The following CDYL2 variants were observed in gnomAD, a reference collection of about 807,000 sequenced individuals.
CDYL2 encodes the protein chromodomain Y-like protein 2.
A neutral mutation model predicts 49.4 loss-of-function variants in CDYL2; 23 were observed. The observed-to-expected ratio is 0.47, with a 90% CI of 0.34 to 0.66. CDYL2 has a LOEUF of 0.66. Among genes scored for constraint, CDYL2 ranks in the 30% least tolerant of loss-of-function variants. The pLI is 0.01. For synonymous variants in CDYL2, 360 were observed against 268.8 expected, an observed-to-expected ratio of 1.34 and a Z score of -3.32; for missense variants, 678 against 656.4, an observed-to-expected ratio of 1.03 and a Z score of -0.36.
rs1351307522 is a variant in CDYL2 at position 80,776,553 on chromosome 16, CATCT to C, written c.24+27593_24+27596del. ...TAAATAAATTCCATACACTTCCATC[CATCT>C]TTTATTTATATATTATATACTGTAA... On this transcript the variant is annotated intron_variant, in intron 1 of 6. Coordinates refer to ENST00000570137, the MANE Select transcript of CDYL2 (RefSeq NM_152342.4). Among the ~76,000 whole-genome samples, 11 of 150,754 alleles carry C rather than the reference CATCT, an allele frequency of 7.3e-5. No homozygotes were observed. The South Asian group carries it at 8.3e-4, about 11-fold the overall frequency.
intron 3 of CDYL2, chr16:80,627,750 C>A (rs1414865434): frequency 1.3e-5 from 2 of 152,196 alleles, no homozygotes; most frequent in East Asian, 1.9e-4. Context: ...ACAGAAAATT[C>A]TTCTTAGAGG....
intron 2 of CDYL2, among the ~76,000 whole-genome samples, chr16:80,666,405 C>CA (rs200716787): frequency 5.8e-4 from 89 of 152,310 alleles, no homozygotes; most frequent in African/African-American, 2.1e-3. Context: ...TCTCTCATAG[C>CA]AAAGAACTGC....
intron 2 of CDYL2, among the ~76,000 whole-genome samples, chr16:80,654,032 A>C (rs975688402): frequency 8.5e-5 from 13 of 152,252 alleles, no homozygotes; most frequent in African/African-American, 3.1e-4. Flanking sequence ...AATCTCCTGG[A>C]CTGTCACCAT....
chr16:80,600,299 A>G lies in CDYL2; in HGVS notation c.*4089T>C, dbSNP rs1302305242. ...ATTTTTCAAAAGAACAAGTGATATTAATGAAAAATATTGCCTAAAACGCAT... is the reference window on the plus strand; with the variant it reads ...ATTTTTCAAAAGAACAAGTGATATTGATGAAAAATATTGCCTAAAACGCAT... On this transcript the variant is annotated 3_prime_UTR_variant, in exon 7 of 7. Coordinates refer to ENST00000570137, the MANE Select transcript of CDYL2 (RefSeq NM_152342.4). 1 of 152,244 alleles carries G rather than the reference A, an allele frequency of 6.6e-6. No homozygotes were observed. The highest frequency in any genetic ancestry group is 1.9e-4 in the East Asian group (1 of 5,204). 9.4% of individuals were successfully genotyped at this position (152,244 alleles called of 1,614,324 possible).
At chr16:80,788,330 C>T (rs1271751346) in intron 1 of CDYL2, among the ~76,000 whole-genome samples, 7 of 152,196 alleles carry the variant, frequency 4.6e-5, no homozygotes. Context: ...GTAGTATTGA[C>T]AAACATCCAT....
At chr16:80,618,396 A>G (rs9924554) in intron 4 of CDYL2, among the ~76,000 whole-genome samples, 19,841 of 152,206 alleles carry the variant, frequency 0.13, 2,711 homozygotes, top group African/African-American at 0.35. Context: ...GCAGACCCCA[A>G]TGGGTAGAGG....
At position 80,604,091 on chromosome 16, in the gene CDYL2, G is replaced by A. The variant is rs1179071202; in HGVS notation, c.*297C>T. The A allele has an allele frequency of 2.7e-5, 11 of 407,970 alleles. No individual in the cohort carries two copies. The East Asian group carries it at 3.7e-4, about 14-fold the overall frequency. 25.3% of individuals were successfully genotyped at this position (407,970 alleles called of 1,614,324 possible). ...CTTCCCCTTCCTGGACCGTCATGGT[G>A]CATTTCAGCAAGTGGGGAAAGGACA... On this transcript the variant is annotated 3_prime_UTR_variant, in exon 7 of 7. Coordinates refer to ENST00000570137, the MANE Select transcript of CDYL2 (RefSeq NM_152342.4).
chr16:80,781,280 C>A (rs1343184085), intron 1 of CDYL2, among the ~76,000 whole-genome samples: 2 of 152,104 alleles, frequency 1.3e-5, no homozygotes, highest in Admixed American at 6.6e-5. Context: ...TATAACCCAA[C>A]CAAATAACAA....
At chr16:80,646,465 C>G (rs1908350602) in intron 2 of CDYL2, among the ~76,000 whole-genome samples, 1 of 151,906 alleles carries the variant, frequency 6.6e-6, no homozygotes, top group Non-Finnish European at 1.5e-5. Flanking sequence ...GTACTAAACT[C>G]TTCAATCAAA....
intron 3 of CDYL2, among the ~76,000 whole-genome samples, chr16:80,628,851 G>T (rs1007489904): frequency 4.6e-5 from 7 of 152,112 alleles, no homozygotes; most frequent in South Asian, 4.2e-4. Context: ...GGAGGGGGGG[G>T]ATATCAGACA....
At chr16:80,780,353 T>C (rs776002063) in intron 1 of CDYL2, among the ~76,000 whole-genome samples, 4 of 151,480 alleles carry the variant, frequency 2.6e-5, no homozygotes, top group Non-Finnish European at 5.9e-5. Context: ...TATAACAGGA[T>C]ATGCAAGGCT....
intron 1 of CDYL2, among the ~76,000 whole-genome samples, chr16:80,725,623 G>A (rs78255029): frequency 6.6e-6 from 1 of 152,236 alleles, no homozygotes; most frequent in African/African-American, 2.4e-5. Context: ...TAGTTGCTGT[G>A]GCCTAAGCTA....
chr16:80,680,662 C>G (rs1251054830), intron 2 of CDYL2, among the ~76,000 whole-genome samples: 1 of 152,190 alleles, frequency 6.6e-6, no homozygotes, highest in Non-Finnish European at 1.5e-5. Flanking sequence ...GAAACTATGA[C>G]AGGTTTTAAA....
intron 5 of CDYL2, among the ~76,000 whole-genome samples, chr16:80,609,413 C>T (rs1410283927): frequency 1.3e-5 from 2 of 152,214 alleles, no homozygotes; most frequent in Non-Finnish European, 2.9e-5. Flanking sequence ...CCACTGAGTT[C>T]TGGTTGTGTC....
intron 1 of CDYL2, among the ~76,000 whole-genome samples, chr16:80,762,863 G>A (rs1906579815): frequency 6.6e-6 from 1 of 152,172 alleles, no homozygotes; most frequent in African/African-American, 2.4e-5. Flanking sequence ...CCTAAGGACA[G>A]AATGTGTGTG....
intron 4 of CDYL2, among the ~76,000 whole-genome samples, chr16:80,613,888 C>T (rs568778087): frequency 3.3e-4 from 50 of 152,206 alleles, no homozygotes; most frequent in Non-Finnish European, 6.2e-4. Flanking sequence ...CTGACCTTGA[C>T]CTGCCTCAGC....
At chr16:80,661,715 G>A (rs1215036400) in intron 2 of CDYL2, among the ~76,000 whole-genome samples, 1 of 152,160 alleles carries the variant, frequency 6.6e-6, no homozygotes, top group Non-Finnish European at 1.5e-5. Context: ...CTGAACAAAG[G>A]AGGAAAGAAA....
intron 2 of CDYL2, among the ~76,000 whole-genome samples, chr16:80,669,962 C>T (rs1195445802): frequency 1.3e-5 from 2 of 152,214 alleles, no homozygotes; most frequent in East Asian, 1.9e-4. Flanking sequence ...CACCTAATCT[C>T]ACCCGTCTCC....
intron 1 of CDYL2, among the ~76,000 whole-genome samples, chr16:80,686,873 T>A (rs1163653518): frequency 6.6e-6 from 1 of 152,234 alleles, no homozygotes; most frequent in Non-Finnish European, 1.5e-5. Context: ...TATCAAAATT[T>A]GTTTCCTTAT....
Sources: allele counts gnomAD v4.1 joint callset (sites outside exome capture counted in the v4.1 genomes callset), GRCh38; gene constraint gnomAD v4.1.1; transcripts MANE v1.5; gene names NCBI Gene and HGNC (gene_info 2026-07-23, HGNC 2026-07-21).